ITPR1: variants seen among roughly 807,000 people sequenced by gnomAD.
The protein encoded by ITPR1 is inositol 1,4,5-trisphosphate-gated calcium channel ITPR1.
In ITPR1, 96 loss-of-function variants were observed where a neutral mutation model predicts 318.4. The ratio of observed to expected loss-of-function variants is 0.30; its 90% CI spans 0.26 to 0.36. The LOEUF (loss-of-function observed/expected upper bound fraction) is 0.36, where lower values mean the gene tolerates loss of function less well. Among genes scored for constraint, ITPR1 ranks in the 10% least tolerant of loss-of-function variants. The probability of loss-of-function intolerance (pLI) is 1.00; values close to 1 mark genes in which losing one functional copy is unlikely to be tolerated. For synonymous variants in ITPR1, 1,312 were observed against 1,289.9 expected, an observed-to-expected ratio of 1.02 and a Z score of -0.37; for missense variants, 2,440 against 3,460.2, an observed-to-expected ratio of 0.71 and a Z score of 7.40.
At chr3:4,786,791 A>G (rs1042546867) in intron 51 of ITPR1, among the ~76,000 whole-genome samples, 1 of 152,214 alleles carries the variant, frequency 6.6e-6, no homozygotes, top group African/African-American at 2.4e-5. Flanking sequence ...CATAAAGAAC[A>G]GTGAGTGCTG....
intron 4 of ITPR1, among the ~76,000 whole-genome samples, chr3:4,549,677 A>T (rs1178244312): frequency 6.6e-6 from 1 of 152,092 alleles, no homozygotes; most frequent in African/African-American, 2.4e-5. Context: ...TGGGGAATGG[A>T]ACCAAAGTCT....
chr3:4,711,926 A>C (rs2041401868), intron 39 of ITPR1, 58 bp downstream of exon 39: 1 of 759,612 alleles, frequency 1.3e-6, no homozygotes, highest in African/African-American at 1.8e-5. Flanking sequence ...GAAGGGAGGG[A>C]CCTTTCAAAA....
intron 4 of ITPR1, among the ~76,000 whole-genome samples, chr3:4,566,387 C>A (rs756551367): frequency 2.0e-5 from 3 of 152,062 alleles, no homozygotes; most frequent in Admixed American, 6.6e-5. Flanking sequence ...AAGGTATTGA[C>A]CTTTATTCCA....
At chr3:4,742,308 C>T (rs1156256189) in intron 44 of ITPR1, among the ~76,000 whole-genome samples, 1 of 152,198 alleles carries the variant, frequency 6.6e-6, no homozygotes, top group Admixed American at 6.5e-5. Context: ...AAGCCTAGTC[C>T]CTTCCTTATG....
intron 4 of ITPR1, among the ~76,000 whole-genome samples, chr3:4,572,107 T>C (rs1483078362): frequency 6.6e-6 from 1 of 152,214 alleles, no homozygotes; most frequent in Non-Finnish European, 1.5e-5. Flanking sequence ...ACTTTGCTTA[T>C]TGAGCGGGTC....
chr3:4,794,772 T>TG, intron 52 of ITPR1, among the ~76,000 whole-genome samples: 1 of 152,330 alleles, frequency 6.6e-6, no homozygotes, highest in Admixed American at 6.5e-5. Context: ...CCGCAACTGA[T>TG]GGCTGCGGCT....
rs745673201 is a variant in ITPR1, at chr3:4,673,139, T to C, written c.2208T>C (p.Tyr736=). Residue 736 remains tyrosine, a synonymous_variant, in exon 21 of 62, where the codon TAT becomes TAC. Transcript: ENST00000649015. The stretch of plus-strand genomic sequence containing the variant: ...GTGCCCTTGTTCCTTCCTCTAGATA[T>C]CAGCTGAACCTCTTTGCGAGGATGT... The part of the protein sequence containing the change: ...EDRDVLSYYR[Y]QLNLFARMCL... 2.5e-6 allele frequency: 4 copies of C among 1,612,678 alleles called. No homozygotes were observed. Among genetic ancestry groups the C allele is most frequent in the Non-Finnish European group, 3.4e-6 (4 of 1,178,892 alleles).
At chr3:4,557,712 T>A (rs2086268492) in intron 4 of ITPR1, among the ~76,000 whole-genome samples, 2 of 152,218 alleles carry the variant, frequency 1.3e-5, no homozygotes, top group Non-Finnish European at 2.9e-5. Context: ...TTTCACATTA[T>A]TTTTGCAGAT....
At chr3:4,644,264 T>C (rs1261346378) in intron 8 of ITPR1, 30 bp downstream of exon 8, 1 of 1,482,750 alleles carries the variant, frequency 6.7e-7, no homozygotes, top group Non-Finnish European at 9.3e-7. Flanking sequence ...TGTGTGGGTG[T>C]GGTTATCCTG....
intron 60 of ITPR1, among the ~76,000 whole-genome samples, chr3:4,833,669 T>A (rs1196305791): frequency 6.6e-6 from 1 of 152,188 alleles, no homozygotes; most frequent in Non-Finnish European, 1.5e-5. Context: ...TCCAAGCTGC[T>A]CCTGCCTGTC....
chr3:4,652,936 C>T (rs187423469), intron 11 of ITPR1, among the ~76,000 whole-genome samples: 1 of 152,100 alleles, frequency 6.6e-6, no homozygotes, highest in East Asian at 1.9e-4. Flanking sequence ...TGCAGTGACC[C>T]GAGATCGCAC....
In ITPR1 at chr3:4,768,545, C is replaced by T. The variant is rs773926755; in HGVS notation, c.5760C>T (p.Val1920=). 2.0e-5 allele frequency: 33 copies of T among 1,613,582 alleles called. No individual in the cohort carries two copies. Among genetic ancestry groups the T allele is most frequent in the East Asian group, 1.6e-4 (7 of 44,888 alleles). ...KEPTTQITEE[V]RDQLLEASAA... ...CCACAACACAGATAACAGAAGAGGT[C>T]CGGGATCAGCTCCTGGAGGCCTCCG... Residue 1920 remains valine, a synonymous_variant, in exon 46 of 62, where the codon GTC becomes GTT. Coordinates refer to ENST00000649015, the MANE Select transcript of ITPR1 (RefSeq NM_001378452.1).
intron 4 of ITPR1, among the ~76,000 whole-genome samples, chr3:4,604,109 G>A (rs1486525387): frequency 6.6e-6 from 1 of 152,126 alleles, no homozygotes; most frequent in African/African-American, 2.4e-5. Flanking sequence ...TTTTTCCTGT[G>A]TTGGTTGACC....
chr3:4,675,578 A>T (rs937300793), intron 23 of ITPR1, among the ~76,000 whole-genome samples: 3 of 152,186 alleles, frequency 2.0e-5, no homozygotes, highest in East Asian at 1.9e-4. Flanking sequence ...AAGTTACTTA[A>T]CACTTTGAAT....
intron 4 of ITPR1, among the ~76,000 whole-genome samples, chr3:4,530,200 A>C (rs142782426): frequency 6.6e-5 from 10 of 152,314 alleles, no homozygotes; most frequent in African/African-American, 2.2e-4. Flanking sequence ...ATTTATCACT[A>C]TCTGATAAAT....
chr3:4,726,753 A>G (rs1045354409), intron 41 of ITPR1, among the ~76,000 whole-genome samples: 1 of 152,228 alleles, frequency 6.6e-6, no homozygotes, highest in South Asian at 2.1e-4. Context: ...GTGCTGTGCA[A>G]TGATGCATGT....
chr3:4,595,167 C>T (rs141332856), intron 4 of ITPR1, among the ~76,000 whole-genome samples: 2 of 152,294 alleles, frequency 1.3e-5, no homozygotes, highest in African/African-American at 4.8e-5. Flanking sequence ...AAAGAAATAC[C>T]TGAGACTGGG....
intron 60 of ITPR1, among the ~76,000 whole-genome samples, chr3:4,830,748 G>C (rs916647219): frequency 1.6e-4 from 24 of 152,082 alleles, no homozygotes; most frequent in African/African-American, 5.6e-4. Flanking sequence ...GACCATCTTC[G>C]CCTCCTTGCG....
chr3:4,627,483 C>G (rs1433449553), intron 4 of ITPR1, among the ~76,000 whole-genome samples: 3 of 144,678 alleles, frequency 2.1e-5, no homozygotes, highest in African/African-American at 8.7e-5. Context: ...AACAAAAAAG[C>G]AAAACAAACA....
Sources: gnomAD v4.1 joint callset for allele counts (sites outside exome capture counted in the v4.1 genomes callset) on GRCh38, gnomAD v4.1.1 for gene constraint, MANE v1.5 for transcripts, NCBI Gene and HGNC (gene_info 2026-07-23, HGNC 2026-07-21) for gene names.